TAFA2: variants seen among roughly 807,000 people sequenced by gnomAD.
TAFA2 encodes the protein TAFA chemokine like family member 2.
In TAFA2, 7 loss-of-function variants were observed where a neutral mutation model predicts 18.8. That is an observed-to-expected ratio of 0.37 (90% confidence interval 0.21 to 0.70). The LOEUF (loss-of-function observed/expected upper bound fraction) is 0.70, where lower values mean the gene tolerates loss of function less well. Ranked by LOEUF, TAFA2 falls within the 30% of genes least tolerant of loss-of-function variation. TAFA2 has a pLI of 0.53. For synonymous variants in TAFA2, 60 were observed against 54.2 expected (o/e 1.11, Z -0.47); for missense variants, 122 against 158.1 (o/e 0.77, Z 1.23).
At chr12:62,049,745 A>G (rs1882001677) in intron 1 of TAFA2, among the ~76,000 whole-genome samples, 3 of 152,210 alleles carry the variant, frequency 2.0e-5, no homozygotes, top group African/African-American at 7.2e-5. Flanking sequence ...CACCTTATAT[A>G]TAATGTATTA....
intron 1 of TAFA2, among the ~76,000 whole-genome samples, chr12:62,187,700 A>C (rs2136957990): frequency 6.6e-6 from 1 of 152,308 alleles, no homozygotes; most frequent in Non-Finnish European, 1.5e-5. Flanking sequence ...AATGAACAAA[A>C]TCAGACCTTC....
At chr12:61,761,885 T>C (rs1453606899) in intron 2 of TAFA2, among the ~76,000 whole-genome samples, 1 of 152,074 alleles carries the variant, frequency 6.6e-6, no homozygotes, top group African/African-American at 2.4e-5. Context: ...TGGAAGGTGA[T>C]TGGATCATGG....
At chr12:61,899,686 G>A (rs946561623) in intron 1 of TAFA2, among the ~76,000 whole-genome samples, 3 of 152,162 alleles carry the variant, frequency 2.0e-5, no homozygotes, top group African/African-American at 4.8e-5. Context: ...TTTGGGTGGG[G>A]ACACAGAGCC....
At chr12:61,966,293 G>C (rs1235010315) in intron 1 of TAFA2, among the ~76,000 whole-genome samples, 1 of 151,914 alleles carries the variant, frequency 6.6e-6, no homozygotes, top group Admixed American at 6.6e-5. Flanking sequence ...TTGGTTGTCT[G>C]GTGAGGGCTG....
At chr12:62,140,940 A>T (rs1191573429) in intron 1 of TAFA2, among the ~76,000 whole-genome samples, 1 of 152,172 alleles carries the variant, frequency 6.6e-6, no homozygotes, top group Admixed American at 6.6e-5. Context: ...GACACCAGGG[A>T]AGAACCCACT....
At chr12:61,972,767 G>T (rs1277370138) in intron 1 of TAFA2, among the ~76,000 whole-genome samples, 1 of 151,538 alleles carries the variant, frequency 6.6e-6, no homozygotes, top group African/African-American at 2.4e-5. Context: ...AAGAGACGGG[G>T]CAATGGGATG....
chr12:61,859,649 G>A (rs1874042573), intron 2 of TAFA2, among the ~76,000 whole-genome samples: 1 of 152,044 alleles, frequency 6.6e-6, no homozygotes, highest in Non-Finnish European at 1.5e-5. Context: ...TCGCCGTATT[G>A]GCCAGGCTGG....
intron 3 of TAFA2, 141 bp from the exon 4 acceptor site, chr12:61,753,887 C>G: frequency 1.7e-6 from 1 of 582,646 alleles, no homozygotes; most frequent in Non-Finnish European, 2.8e-6. Flanking sequence ...TCTTTTTGTT[C>G]AAAAGGACAA....
At chr12:62,030,323 G>A (rs545230116) in intron 1 of TAFA2, among the ~76,000 whole-genome samples, 6 of 152,246 alleles carry the variant, frequency 3.9e-5, no homozygotes, top group African/African-American at 1.2e-4. Flanking sequence ...GAGTGTGTAA[G>A]AAGGATCATC....
At chr12:61,961,835 T>A (rs1350389711) in intron 1 of TAFA2, among the ~76,000 whole-genome samples, 1 of 152,056 alleles carries the variant, frequency 6.6e-6, no homozygotes, top group East Asian at 1.9e-4. Context: ...ATGGTTTGTT[T>A]AGCAAGATTT....
intron 1 of TAFA2, among the ~76,000 whole-genome samples, chr12:62,176,087 A>G (rs1385775033): frequency 6.6e-6 from 1 of 152,152 alleles, no homozygotes; most frequent in Non-Finnish European, 1.5e-5. Context: ...ATACCATCAT[A>G]TTACACCATC....
intron 1 of TAFA2, among the ~76,000 whole-genome samples, chr12:62,215,160 C>T (rs558968231): frequency 6.6e-6 from 1 of 152,166 alleles, no homozygotes; most frequent in African/African-American, 2.4e-5. Flanking sequence ...GACAATCATA[C>T]CTCCAGGTTT....
rs553614909 is a variant in TAFA2 at position 61,933,062 on chromosome 12, C to T, written c.-1-65636G>A. Reference sequence around the variant, plus strand: ...CAGCTGAGGTTATTATCCAGTTTTCCCCCAAACTACATCTACATAGTGAAA... The same window carrying T: ...CAGCTGAGGTTATTATCCAGTTTTCTCCCAAACTACATCTACATAGTGAAA... On this transcript the variant is annotated intron_variant, in intron 1 of 4. Transcript: ENST00000416284. 1.2e-3 allele frequency among the ~76,000 whole-genome samples: 177 copies of T among 152,156 alleles called. 1 individual carries two copies. The highest frequency in any genetic ancestry group is 2.1e-3 in the Non-Finnish European group (144 of 68,002).
At chr12:61,767,816 T>C (rs1869856052) in intron 2 of TAFA2, among the ~76,000 whole-genome samples, 1 of 152,058 alleles carries the variant, frequency 6.6e-6, no homozygotes, top group South Asian at 2.1e-4. Context: ...AAAAAGCTAA[T>C]AGCTCTTTGA....
At chr12:61,944,256 C>G (rs1419528313) in intron 1 of TAFA2, among the ~76,000 whole-genome samples, 1 of 150,674 alleles carries the variant, frequency 6.6e-6, no homozygotes, top group Non-Finnish European at 1.5e-5. Flanking sequence ...TTGAAACCAA[C>G]GAGAACAAAG....
chr12:61,807,853 G>T (rs1871690682), intron 2 of TAFA2, among the ~76,000 whole-genome samples: 2 of 151,504 alleles, frequency 1.3e-5, no homozygotes, highest in Non-Finnish European at 2.9e-5. Context: ...ATTTGGAATG[G>T]CTATATTTAC....
At chr12:62,070,678 G>GT (rs1882608325) in intron 1 of TAFA2, 1 of 152,122 alleles carries the variant, frequency 6.6e-6, no homozygotes, top group Non-Finnish European at 1.5e-5. Flanking sequence ...CCACAGAAAA[G>GT]CCTCCTAACT....
chr12:62,241,669 T>A (rs2062863572), intron 1 of TAFA2, among the ~76,000 whole-genome samples: 1 of 152,164 alleles, frequency 6.6e-6, no homozygotes, highest in Non-Finnish European at 1.5e-5. Context: ...GATTTGTATG[T>A]TACCTACATT....
intron 2 of TAFA2, among the ~76,000 whole-genome samples, chr12:61,809,906 T>C (rs1015928308): frequency 2.0e-5 from 3 of 151,192 alleles, no homozygotes; most frequent in African/African-American, 7.4e-5. Context: ...TGTGCCAACA[T>C]TTCCAGGTGG....
Sources: gnomAD v4.1 joint callset for allele counts (sites outside exome capture counted in the v4.1 genomes callset) on GRCh38, gnomAD v4.1.1 for gene constraint, MANE v1.5 for transcripts, NCBI Gene and HGNC (gene_info 2026-07-23, HGNC 2026-07-21) for gene names.